Variants in PCDH9 observed in about 807,000 individuals in gnomAD.
PCDH9 encodes protocadherin 9, also known as protocadherin-9.
PCDH9 carries 24 observed loss-of-function variants against 70.6 expected under a neutral mutation model. That is an observed-to-expected ratio of 0.34 (90% CI 0.25 to 0.48). The LOEUF (loss-of-function observed/expected upper bound fraction) is 0.48, where lower values mean the gene tolerates loss of function less well. Among genes scored for constraint, PCDH9 ranks in the 20% least tolerant of loss-of-function variants. The probability of loss-of-function intolerance (pLI) is 0.99; values close to 1 mark genes in which losing one functional copy is unlikely to be tolerated. For missense variants in PCDH9, 1,281 were observed against 1,503.6 expected, an observed-to-expected ratio of 0.85 and a Z score of 2.45; for synonymous variants, 562 against 558.5, an observed-to-expected ratio of 1.01 and a Z score of -0.09.
chr13:66,513,359 C>A lies in PCDH9; in HGVS notation c.3340+117851G>T, dbSNP rs141036179. Among the ~76,000 whole-genome samples, 1,173 of 151,784 alleles carry A rather than the reference C, an allele frequency of 7.7e-3. 11 individuals are homozygous for A. Among genetic ancestry groups the A allele is most frequent in the African/African-American group, 0.027 (1,136 of 41,408 alleles). ...CTTTAAAAATAATTTAAAAATCATG[C>A]TGTATTATATGTTTAAGCTACTTTA... On this transcript the variant is annotated intron_variant, in intron 4 of 4. Transcript: ENST00000377865.
intron 2 of PCDH9, among the ~76,000 whole-genome samples, chr13:67,174,051 T>C (rs2088371708): frequency 4.6e-5 from 7 of 152,160 alleles, no homozygotes; most frequent in Admixed American, 3.9e-4. Flanking sequence ...CTAGATGTAA[T>C]AAAAATTTTA....
At chr13:67,092,731 C>T (rs574924089) in intron 2 of PCDH9, among the ~76,000 whole-genome samples, 7 of 152,276 alleles carry the variant, frequency 4.6e-5, no homozygotes, top group Admixed American at 2.6e-4. Flanking sequence ...TCCCATAAAA[C>T]GCACAATGAG....
intron 4 of PCDH9, among the ~76,000 whole-genome samples, chr13:66,420,863 A>C (rs545021040): frequency 1.8e-4 from 28 of 152,244 alleles, no homozygotes; most frequent in Admixed American, 1.8e-3. Context: ...AGGCTTCTGA[A>C]GGTGGGTAAT....
At chr13:66,623,371 G>A (rs1315267015) in intron 4 of PCDH9, among the ~76,000 whole-genome samples, 1 of 152,264 alleles carries the variant, frequency 6.6e-6, no homozygotes, top group Non-Finnish European at 1.5e-5. Flanking sequence ...AATAGCAAAA[G>A]CTGTGGAGTC....
chr13:66,557,288 G>A (rs1241604473), intron 4 of PCDH9, among the ~76,000 whole-genome samples: 1 of 152,130 alleles, frequency 6.6e-6, no homozygotes, highest in Non-Finnish European at 1.5e-5. Context: ...TAGATTTGGT[G>A]AGAAATTTAG....
At chr13:66,777,714 G>T (rs1212715850) in intron 3 of PCDH9, among the ~76,000 whole-genome samples, 1 of 152,218 alleles carries the variant, frequency 6.6e-6, no homozygotes, top group African/African-American at 2.4e-5. Context: ...CCTTGTGGAA[G>T]TCAGTGTGGC....
intron 3 of PCDH9, among the ~76,000 whole-genome samples, chr13:66,706,104 G>A (rs1294000426): frequency 6.6e-6 from 1 of 152,192 alleles, no homozygotes; most frequent in Non-Finnish European, 1.5e-5. Context: ...GCCAATGCAT[G>A]AAGATTAGAG....
chr13:66,870,871 A>C (rs1468442727), intron 3 of PCDH9, among the ~76,000 whole-genome samples: 1 of 152,176 alleles, frequency 6.6e-6, no homozygotes, highest in Non-Finnish European at 1.5e-5. Context: ...CATTTGACCC[A>C]GCCATCCCAT....
intron 3 of PCDH9, among the ~76,000 whole-genome samples, chr13:66,783,721 T>C (rs1386922807): frequency 1.3e-5 from 2 of 152,186 alleles, no homozygotes; most frequent in Admixed American, 6.6e-5. Context: ...CTTTCTGTTA[T>C]ACTCAGCAAT....
chr13:67,119,276 T>C (rs1205420127), intron 2 of PCDH9, among the ~76,000 whole-genome samples: 1 of 152,160 alleles, frequency 6.6e-6, no homozygotes, highest in Admixed American at 6.6e-5. Flanking sequence ...GGGATTTAAA[T>C]ATATGATACA....
chr13:66,496,170 A>G (rs1330892441), intron 4 of PCDH9, among the ~76,000 whole-genome samples: 1 of 152,206 alleles, frequency 6.6e-6, no homozygotes, highest in Non-Finnish European at 1.5e-5. Context: ...ACATGTTCAA[A>G]ATATAACTCT....
At chr13:67,200,707 A>G (rs1348393378) in intron 2 of PCDH9, among the ~76,000 whole-genome samples, 1 of 152,022 alleles carries the variant, frequency 6.6e-6, no homozygotes, top group East Asian at 1.9e-4. Flanking sequence ...AGTCTAGAAT[A>G]CTCAGTTAAA....
At chr13:66,779,895 G>T (rs7322086) in intron 3 of PCDH9, among the ~76,000 whole-genome samples, 13 of 147,266 alleles carry the variant, frequency 8.8e-5, no homozygotes, top group African/African-American at 3.3e-4. Flanking sequence ...GTGTGTGTGT[G>T]TGTGTGTCCG....
In PCDH9 at chr13:67,226,676, T is replaced by C. The variant is rs751164794; in HGVS notation, c.1765A>G (p.Ser589Gly). The C allele has an allele frequency of 6.2e-7, 1 of 1,613,144 alleles. No individual in the cohort carries two copies. Among genetic ancestry groups the C allele is most frequent in the East Asian group, 2.2e-5 (1 of 44,868 alleles). The change falls in exon 2 of 5, where the codon AGT becomes GGT. Residue 589 changes from serine (S) to glycine (G), a missense_variant. Ser to Gly is a moderately conservative substitution (Grantham distance 56). This residue lies in a region of PCDH9 where 798 missense variants were observed against 1,003.1 expected (regional missense o/e 0.80). Coordinates refer to ENST00000377865, the MANE Select transcript of PCDH9 (RefSeq NM_203487.3). The surrounding 1 kb of genome is among the most constrained non-coding windows in gnomAD (Gnocchi z 5.0). ...GTCACTGTGATTACCCCCACAGTAC[T>C]ATACTTTGGCAGATTCTCAGACACA... The part of the protein sequence containing the change: ...FFVSENLPKY[S>G]TVGVITVTDA...
At chr13:66,426,927 T>C (rs1957681561) in intron 4 of PCDH9, among the ~76,000 whole-genome samples, 1 of 151,578 alleles carries the variant, frequency 6.6e-6, no homozygotes. Context: ...AATTACTGCC[T>C]AGTTTATGTG....
chr13:67,019,667 G>A (rs1197038765), intron 2 of PCDH9, among the ~76,000 whole-genome samples: 4 of 152,130 alleles, frequency 2.6e-5, no homozygotes, highest in Non-Finnish European at 2.9e-5. Context: ...TCCTTAGTAA[G>A]TGCTCAGCAA....
At position 66,990,622 on chromosome 13, in the gene PCDH9, T is replaced by A. The variant is rs1016189895; in HGVS notation, c.3037-87017A>T. Among the ~76,000 whole-genome samples the A allele has an allele frequency of 3.3e-5, 5 of 149,882 alleles. No individual in the cohort carries two copies. The Admixed American group carries it at 3.4e-4, about 10-fold the overall frequency. ...AAATATATACATATAAACACATATA[T>A]ATAAAAACATGTATACATAAATATA... On this transcript the variant is annotated intron_variant, in intron 2 of 4. Coordinates refer to ENST00000377865, the MANE Select transcript of PCDH9 (RefSeq NM_203487.3).
chr13:66,828,141 G>A (rs554181092), intron 3 of PCDH9, among the ~76,000 whole-genome samples: 1 of 152,172 alleles, frequency 6.6e-6, no homozygotes, highest in African/African-American at 2.4e-5. Flanking sequence ...AGAATACTAA[G>A]TTTAAAACGT....
intron 2 of PCDH9, among the ~76,000 whole-genome samples, chr13:67,152,335 G>C (rs189032627): frequency 5.9e-5 from 9 of 152,108 alleles, no homozygotes; most frequent in Non-Finnish European, 1.2e-4. Flanking sequence ...TGTGCCTAAG[G>C]CCTCTCTGTA....
Sources: allele counts gnomAD v4.1 joint callset (sites outside exome capture counted in the v4.1 genomes callset), GRCh38; gene constraint gnomAD v4.1.1; regional missense constraint gnomAD v4.1.1; non-coding constraint Gnocchi (gnomAD v3.1); transcripts MANE v1.5; gene names NCBI Gene and HGNC (gene_info 2026-07-23, HGNC 2026-07-21).